Variants in DNAJC25 observed in about 807,000 individuals in gnomAD.
DNAJC25 encodes the protein dnaJ homolog subfamily C member 25.
Under a neutral mutation model 42.1 loss-of-function variants are expected in DNAJC25, and 26 were observed. That is an observed-to-expected ratio of 0.62 (90% confidence interval 0.45 to 0.86). The LOEUF (loss-of-function observed/expected upper bound fraction) is 0.86, where lower values mean the gene tolerates loss of function less well. DNAJC25 is among the 40% of genes least tolerant of loss of function. DNAJC25 has a pLI of 0.00. For missense variants in DNAJC25, 404 were observed against 459.4 expected (o/e 0.88, Z 1.10); for synonymous variants, 189 against 179.9 (o/e 1.05, Z -0.40).
intron 1 of DNAJC25, among the ~76,000 whole-genome samples, chr9:111,641,807 G>T (rs1349689210): frequency 1.0e-4 from 12 of 116,028 alleles, no homozygotes; most frequent in East Asian, 3.3e-4. Flanking sequence ...GAGGGAGGTG[G>T]GGGGGGTCAG....
At position 111,636,931 on chromosome 9, in the gene DNAJC25, C is replaced by G. The variant is rs551365969; in HGVS notation, c.336+5188C>G. On this transcript the variant is annotated intron_variant, in intron 1 of 3. Coordinates refer to ENST00000313525, the MANE Select transcript of DNAJC25 (RefSeq NM_001015882.3). The stretch of plus-strand genomic sequence containing the variant: ...TGGTTCGTTAATTTCAGTGGTTACT[C>G]CCTACTTATGGCCAAGGGTGATTAT... Among the ~76,000 whole-genome samples the G allele has an allele frequency of 7.2e-5, 11 of 152,282 alleles. No individual in the cohort carries two copies. In the East Asian group the frequency reaches 1.5e-3, roughly 21 times the overall value.
At chr9:111,634,483 G>A (rs1470996895) in intron 1 of DNAJC25, among the ~76,000 whole-genome samples, 1 of 152,180 alleles carries the variant, frequency 6.6e-6, no homozygotes, top group African/African-American at 2.4e-5. Flanking sequence ...GTATCCTCCG[G>A]CTGTAAAAAG....
At chr9:111,642,838 G>T in intron 1 of DNAJC25, 1 of 470,936 alleles carries the variant, frequency 2.1e-6, no homozygotes, top group South Asian at 1.5e-5. Context: ...TTTTGATCTA[G>T]ATATTGGTTA....
Position 111,653,289 on chromosome 9 carries a change from G to A in DNAJC25, c.*67G>A. ...TTATTTTCATAACTGAATTATTTTA[G>A]AAATGTATCAATTGACTGCTGCTCA... On this transcript the variant is annotated 3_prime_UTR_variant, in exon 4 of 4. Coordinates refer to ENST00000313525, the MANE Select transcript of DNAJC25 (RefSeq NM_001015882.3). 5 of 1,401,880 alleles carry A rather than the reference G, an allele frequency of 3.6e-6. No individual in the cohort carries two copies. The highest frequency in any genetic ancestry group is 4.7e-6 in the Non-Finnish European group (5 of 1,067,402). The allele number at this position is 1,401,880 out of a possible 1,614,324, so 86.8% of individuals were successfully genotyped here.
At chr9:111,642,440 C>T (rs899384739) in intron 1 of DNAJC25, among the ~76,000 whole-genome samples, 38 of 141,332 alleles carry the variant, frequency 2.7e-4, no homozygotes, top group African/African-American at 9.8e-4. Flanking sequence ...TCACCAATCC[C>T]TAATCTCAAG....
At chr9:111,652,562 A>G (rs1392835103) in intron 3 of DNAJC25, among the ~76,000 whole-genome samples, 1 of 143,444 alleles carries the variant, frequency 7.0e-6, no homozygotes, top group Non-Finnish European at 1.5e-5. Flanking sequence ...TAAATTTGAG[A>G]TGGAGTTTCA....
chr9:111,642,603 C>CAATTAAAA (rs1554702673), intron 1 of DNAJC25, among the ~76,000 whole-genome samples: 4 of 109,266 alleles, frequency 3.7e-5, no homozygotes, highest in Non-Finnish European at 6.8e-5. Flanking sequence ...CAAGAATTAT[C>CAATTAAAA]AATAAATAAA....
chr9:111,638,163 C>G (rs1202247423), intron 1 of DNAJC25, among the ~76,000 whole-genome samples: 1 of 152,178 alleles, frequency 6.6e-6, no homozygotes, highest in East Asian at 1.9e-4. Context: ...AATTATGACT[C>G]TCACAAATAC....
intron 1 of DNAJC25, among the ~76,000 whole-genome samples, chr9:111,641,583 G>T (rs1281063054): frequency 4.0e-5 from 5 of 124,742 alleles, no homozygotes; most frequent in East Asian, 2.7e-4. Flanking sequence ...AGGTGGGGGG[G>T]TCGGCCCCCC....
chr9:111,631,807 A>G (rs1251881965), intron 1 of DNAJC25, 64 bp downstream of exon 1: 1 of 1,449,074 alleles, frequency 6.9e-7, no homozygotes, highest in Non-Finnish European at 9.0e-7. Context: ...GCGCCTTCCG[A>G]CCCCGGTCCG....
Position 111,649,729 on chromosome 9 carries a change from C to T in DNAJC25, c.766C>T (p.Leu256=), listed in dbSNP as rs757237830. The part of the protein sequence containing the change: ...LFQIILAPFH[L]CSYIVWYCRW... ...TCAAATTATCTTAGCTCCTTTTCAC[C>T]TATGCTCATATATAGTTTGGTATTG... is the stretch of plus-strand genomic sequence containing the variant. Residue 256 remains leucine, a synonymous_variant, in exon 3 of 4, where the codon CTA becomes TTA. Transcript: ENST00000313525. 2.5e-6 allele frequency: 4 copies of T among 1,614,038 alleles called. No individual in the cohort carries two copies. The highest frequency in any genetic ancestry group is 3.4e-6 in the Non-Finnish European group (4 of 1,180,006).
intron 1 of DNAJC25, among the ~76,000 whole-genome samples, chr9:111,633,958 G>A (rs917377238): frequency 6.6e-6 from 1 of 152,158 alleles, no homozygotes; most frequent in Non-Finnish European, 1.5e-5. Context: ...TGACTCTGAC[G>A]GGTTTGTGAT....
chr9:111,643,752 G>A (rs932634879), intron 1 of DNAJC25, among the ~76,000 whole-genome samples: 4 of 151,548 alleles, frequency 2.6e-5, no homozygotes, highest in South Asian at 2.1e-4. Context: ...AAAAAAAATT[G>A]TGTGGCTACC....
chr9:111,651,076 G>A (rs1830651839), intron 3 of DNAJC25, among the ~76,000 whole-genome samples: 1 of 151,916 alleles, frequency 6.6e-6, no homozygotes, highest in Non-Finnish European at 1.5e-5. Context: ...AGACCAGCCT[G>A]GCCAACATAG....
chr9:111,636,002 A>G (rs530576606), intron 1 of DNAJC25, among the ~76,000 whole-genome samples: 76 of 152,390 alleles, frequency 5.0e-4, no homozygotes, highest in Middle Eastern at 3.4e-3. Context: ...GGAGGAGACC[A>G]TAACAAAGGA....
intron 2 of DNAJC25, among the ~76,000 whole-genome samples, chr9:111,647,803 A>C (rs181697576): frequency 2.0e-5 from 3 of 152,256 alleles, no homozygotes; most frequent in Non-Finnish European, 4.4e-5. Flanking sequence ...GTTTTGAGAC[A>C]GAGTCTCGTT....
At chr9:111,641,148 C>T (rs1589343542) in intron 1 of DNAJC25, among the ~76,000 whole-genome samples, 2 of 111,168 alleles carry the variant, frequency 1.8e-5, no homozygotes, top group African/African-American at 8.2e-5. Context: ...CCCCCCCACC[C>T]GGCCAGCCGC....
At chr9:111,631,797 G>T in intron 1 of DNAJC25, 54 bp downstream of exon 1, 1 of 1,461,622 alleles carries the variant, frequency 6.8e-7, no homozygotes, top group Non-Finnish European at 9.0e-7. Context: ...GAAGCCCACG[G>T]CGCCTTCCGA....
intron 1 of DNAJC25, among the ~76,000 whole-genome samples, chr9:111,632,392 G>T (rs780619906): frequency 6.6e-6 from 1 of 152,142 alleles, no homozygotes; most frequent in African/African-American, 2.4e-5. Flanking sequence ...TGTGCGAACC[G>T]CCCCCCTTTC....
Sources: gnomAD v4.1 joint callset for allele counts (sites outside exome capture counted in the v4.1 genomes callset) on GRCh38, gnomAD v4.1.1 for gene constraint, MANE v1.5 for transcripts, NCBI Gene and HGNC (gene_info 2026-07-23, HGNC 2026-07-21) for gene names.